The following RALYL variants were observed in gnomAD, a reference collection of about 807,000 sequenced individuals.
RALYL encodes RNA-binding Raly-like protein.
A neutral mutation model predicts 35.1 loss-of-function variants in RALYL; 29 were observed. That is an observed-to-expected ratio of 0.83 (90% confidence interval 0.61 to 1.13). The LOEUF is 1.13. Among genes scored for constraint, RALYL ranks in the 50% most tolerant of loss-of-function variants. RALYL has a pLI of 0.00. For missense variants in RALYL, 359 were observed against 360.4 expected (o/e 1.00, Z 0.03); for synonymous variants, 120 against 127.6 (o/e 0.94, Z 0.40).
At position 84,857,766 on chromosome 8, in the gene RALYL, G is replaced by A. The variant is rs1395527706; in HGVS notation, c.414-4530G>A. Among the ~76,000 whole-genome samples, 5 of 152,150 alleles carry A rather than the reference G, an allele frequency of 3.3e-5. No homozygotes were observed. The East Asian group carries it at 5.8e-4, about 18-fold the overall frequency. On this transcript the variant is annotated intron_variant, in intron 5 of 8. Coordinates refer to ENST00000521268, the MANE Select transcript of RALYL (RefSeq NM_173848.7). ...GTACATATATTATGTTTTCAATTAT[G>A]TGAAAAATATGGATGCTTATAAAAA...
chr8:84,431,415 G>A (rs1314141671), intron 1 of RALYL, among the ~76,000 whole-genome samples: 1 of 151,954 alleles, frequency 6.6e-6, no homozygotes, highest in African/African-American at 2.4e-5. Context: ...ATCACTATGA[G>A]GGAAACGCAA....
intron 1 of RALYL, among the ~76,000 whole-genome samples, chr8:84,419,622 T>C (rs2132345118): frequency 6.6e-6 from 1 of 151,332 alleles, no homozygotes; most frequent in African/African-American, 2.4e-5. Context: ...TGTATACATG[T>C]GCCATGCTGG....
chr8:84,283,646 T>A (rs1837048036), intron 1 of RALYL, among the ~76,000 whole-genome samples: 1 of 152,178 alleles, frequency 6.6e-6, no homozygotes, highest in African/African-American at 2.4e-5. Context: ...ATCAAAAACA[T>A]TCCTATGGTT....
chr8:84,861,567 A>G (rs1343794398), intron 5 of RALYL, among the ~76,000 whole-genome samples: 5 of 152,206 alleles, frequency 3.3e-5, no homozygotes, highest in Non-Finnish European at 7.3e-5. Flanking sequence ...ACTATAAAAT[A>G]TCTCTAGTCT....
intron 1 of RALYL, among the ~76,000 whole-genome samples, chr8:84,274,798 T>A (rs1170771729): frequency 2.6e-5 from 4 of 152,204 alleles, no homozygotes; most frequent in African/African-American, 9.6e-5. Context: ...TGTCTAGAAC[T>A]CTGCCAAAAC....
chr8:84,253,176 G>GTTT lies in RALYL; in HGVS notation c.-24+68781_-24+68783dup, dbSNP rs764942491. Among the ~76,000 whole-genome samples, 198 of 52,864 alleles carry GTTT rather than the reference G, an allele frequency of 3.7e-3. 53 individuals carry two copies. Among genetic ancestry groups the GTTT allele is most frequent in the African/African-American group, 0.012 (137 of 11,560 alleles). 34.7% of individuals were successfully genotyped at this position (52,864 alleles called of 152,430 possible). On this transcript the variant is annotated intron_variant, in intron 1 of 8. Coordinates refer to ENST00000521268, the MANE Select transcript of RALYL (RefSeq NM_173848.7). ...GTATGTGTCTGTGTGTAGTTCTGCA[G>GTTT]TTTTTTTTTTTTTTTTTTTTTTTTT...
intron 2 of RALYL, among the ~76,000 whole-genome samples, chr8:84,658,473 A>T (rs574233107): frequency 2.0e-4 from 31 of 152,190 alleles, no homozygotes; most frequent in Middle Eastern, 3.2e-3. Flanking sequence ...AAAATTAGAA[A>T]GGTGTATGCA....
At chr8:84,805,063 T>C (rs1029206221) in intron 4 of RALYL, among the ~76,000 whole-genome samples, 2 of 152,324 alleles carry the variant, frequency 1.3e-5, no homozygotes, top group East Asian at 1.9e-4. Flanking sequence ...TGATCATCCA[T>C]ATTCTCTTCA....
chr8:84,578,734 C>A (rs1442221826), intron 2 of RALYL, among the ~76,000 whole-genome samples: 1 of 152,190 alleles, frequency 6.6e-6, no homozygotes, highest in Non-Finnish European at 1.5e-5. Context: ...GCTCCTTTCA[C>A]AGGCAAGCTG....
At chr8:84,242,645 A>G (rs981421088) in intron 1 of RALYL, among the ~76,000 whole-genome samples, 3 of 152,096 alleles carry the variant, frequency 2.0e-5, no homozygotes, top group Middle Eastern at 3.2e-3. Flanking sequence ...TTTGAGAAGT[A>G]TCTGTTCATG....
At chr8:84,744,540 A>T (rs1421620876) in intron 2 of RALYL, among the ~76,000 whole-genome samples, 2 of 151,998 alleles carry the variant, frequency 1.3e-5, no homozygotes, top group Non-Finnish European at 2.9e-5. Flanking sequence ...TGGGAAACAA[A>T]CTAGATTCCA....
intron 2 of RALYL, among the ~76,000 whole-genome samples, chr8:84,628,519 A>T (rs1485464797): frequency 1.3e-5 from 2 of 152,180 alleles, no homozygotes; most frequent in Non-Finnish European, 2.9e-5. Flanking sequence ...CCTACAGAGT[A>T]GGTGATTATT....
intron 2 of RALYL, among the ~76,000 whole-genome samples, chr8:84,619,918 G>A (rs1820891933): frequency 6.6e-6 from 1 of 150,940 alleles, no homozygotes; most frequent in African/African-American, 2.4e-5. Context: ...GTTGAATATT[G>A]GCCCCCACTC....
At chr8:84,398,773 A>C (rs2042591475) in intron 1 of RALYL, among the ~76,000 whole-genome samples, 1 of 152,212 alleles carries the variant, frequency 6.6e-6, no homozygotes, top group African/African-American at 2.4e-5. Flanking sequence ...CAGGAGTTTG[A>C]GACCAGCTTG....
chr8:84,393,905 TA>T (rs1171489388), intron 1 of RALYL, among the ~76,000 whole-genome samples: 1 of 152,106 alleles, frequency 6.6e-6, no homozygotes, highest in African/African-American at 2.4e-5. Flanking sequence ...TAATGATAAT[TA>T]TTTTTTATTA....
At chr8:84,451,387 T>G (rs1206995597) in intron 1 of RALYL, among the ~76,000 whole-genome samples, 1 of 152,010 alleles carries the variant, frequency 6.6e-6, no homozygotes, top group East Asian at 1.9e-4. Flanking sequence ...CCAATTCTGA[T>G]GACTGTAATA....
intron 2 of RALYL, among the ~76,000 whole-genome samples, chr8:84,595,130 T>C (rs1232789177): frequency 6.6e-6 from 1 of 152,152 alleles, no homozygotes; most frequent in Non-Finnish European, 1.5e-5. Context: ...TAATATATGC[T>C]GGTAACTAAA....
intron 1 of RALYL, among the ~76,000 whole-genome samples, chr8:84,504,361 A>T (rs2056980597): frequency 6.6e-6 from 1 of 152,092 alleles, no homozygotes. Flanking sequence ...CCCTCATGTA[A>T]TTTTCGTGGA....
chr8:84,347,278 A>G (rs1359460118), intron 1 of RALYL, among the ~76,000 whole-genome samples: 4 of 152,084 alleles, frequency 2.6e-5, no homozygotes, highest in Non-Finnish European at 4.4e-5. Flanking sequence ...ATAAAATAAT[A>G]AGCCCTTGAC....
Sources: gnomAD v4.1 joint callset for allele counts (sites outside exome capture counted in the v4.1 genomes callset) on GRCh38, gnomAD v4.1.1 for gene constraint, MANE v1.5 for transcripts, NCBI Gene and HGNC (gene_info 2026-07-23, HGNC 2026-07-21) for gene names.